Variants in DLG2 observed in about 807,000 individuals in gnomAD.
DLG2 encodes disks large homolog 2.
Under a neutral mutation model 132.5 loss-of-function variants are expected in DLG2, and 45 were observed. That is an observed-to-expected ratio of 0.34 (90% CI 0.27 to 0.44). DLG2 has a LOEUF of 0.44. Among genes scored for constraint, DLG2 ranks in the 20% least tolerant of loss-of-function variants. The pLI, the probability that DLG2 is intolerant of heterozygous loss-of-function variation, is 1.00. For missense variants in DLG2, 1,045 were observed against 1,196.9 expected (o/e 0.87, Z 1.87); for synonymous variants, 424 against 419.6 (o/e 1.01, Z -0.13).
chr11:84,964,124 T>C (rs2052993331), intron 6 of DLG2, among the ~76,000 whole-genome samples: 1 of 152,100 alleles, frequency 6.6e-6, no homozygotes, highest in Admixed American at 6.6e-5. Flanking sequence ...CATTATTAAT[T>C]TACGATTCAA....
intron 3 of DLG2, among the ~76,000 whole-genome samples, chr11:85,384,732 T>A (rs1035147587): frequency 2.6e-5 from 4 of 152,072 alleles, no homozygotes; most frequent in African/African-American, 4.8e-5. Context: ...CATGCTGGGC[T>A]AAGTTTTGTA....
chr11:84,617,173 C>T (rs2099605912), intron 6 of DLG2, among the ~76,000 whole-genome samples: 1 of 151,648 alleles, frequency 6.6e-6, no homozygotes, highest in Non-Finnish European at 1.5e-5. Context: ...TGTGATGTTC[C>T]CCTCCCTGTG....
chr11:85,157,919 T>C (rs58515356), intron 4 of DLG2, among the ~76,000 whole-genome samples: 14,266 of 151,930 alleles, frequency 0.094, 901 homozygotes, highest in African/African-American at 0.18. Flanking sequence ...CCCGACCCAT[T>C]AGCCTTTCCA....
chr11:85,441,751 G>C (rs2091788502), intron 3 of DLG2, among the ~76,000 whole-genome samples: 1 of 152,066 alleles, frequency 6.6e-6, no homozygotes, highest in African/African-American at 2.4e-5. Context: ...AATGTATAAA[G>C]GCACTGTTCT....
At chr11:85,558,591 C>T (rs903635896) in intron 3 of DLG2, among the ~76,000 whole-genome samples, 22 of 151,874 alleles carry the variant, frequency 1.4e-4, no homozygotes, top group Middle Eastern at 3.4e-3. Flanking sequence ...ATATATACAC[C>T]GTGGAATACT....
At chr11:84,214,858 A>G (rs12786897) in intron 8 of DLG2, among the ~76,000 whole-genome samples, 1,813 of 152,330 alleles carry the variant, frequency 0.012, 17 homozygotes, top group Middle Eastern at 0.02. Flanking sequence ...AAGAGCAATC[A>G]TATATCAGAA....
intron 18 of DLG2, among the ~76,000 whole-genome samples, chr11:83,764,461 T>G (rs1212697364): frequency 6.6e-6 from 1 of 151,978 alleles, no homozygotes; most frequent in East Asian, 1.9e-4. Flanking sequence ...CCCAAAGGGG[T>G]GTGCAGGGAA....
Position 85,420,800 on chromosome 11 carries a change from C to A in DLG2, c.41-135435G>T, listed in dbSNP as rs2152994518. ...TGCCCCTCCCCCCACCAAGCTCGAG[C>A]ATCCCAGGTTGACTTCAGACTGCTC... On this transcript the variant is annotated intron_variant, in intron 3 of 27. Transcript: ENST00000376104. 1.3e-5 allele frequency among the ~76,000 whole-genome samples: 2 copies of A among 152,316 alleles called. 1 individual carries two copies. Among genetic ancestry groups the A allele is most frequent in the Non-Finnish European group, 2.9e-5 (2 of 68,024 alleles).
intron 21 of DLG2, among the ~76,000 whole-genome samples, chr11:83,511,883 A>G (rs543850775): frequency 9.2e-5 from 14 of 152,154 alleles, no homozygotes; most frequent in Admixed American, 9.2e-4. Flanking sequence ...ACCATTTCTT[A>G]TGCTGGCTGT....
chr11:84,481,073 C>A (rs907203236), intron 7 of DLG2, among the ~76,000 whole-genome samples: 4 of 151,934 alleles, frequency 2.6e-5, no homozygotes, highest in Non-Finnish European at 5.9e-5. Context: ...ATAATAATAA[C>A]TCCCTCTAGA....
chr11:83,558,853 G>A (rs1157136765), intron 19 of DLG2, among the ~76,000 whole-genome samples: 2 of 96,092 alleles, frequency 2.1e-5, no homozygotes, highest in East Asian at 2.7e-4. Context: ...GATGTCGTGT[G>A]TGTGTGTGTG....
In DLG2 at chr11:84,979,613, A is replaced by T. The variant is rs1021148647; in HGVS notation, c.357+132048T>A. 4.0e-5 allele frequency among the ~76,000 whole-genome samples: 6 copies of T among 151,142 alleles called. 1 individual carries two copies. Among genetic ancestry groups the T allele is most frequent in the Middle Eastern group, 6.8e-3 (2 of 292 alleles). On this transcript the variant is annotated intron_variant, in intron 6 of 27. Coordinates refer to ENST00000376104, the MANE Select transcript of DLG2 (RefSeq NM_001142699.3). ...TAGGTGGGAACTGAACAATGAGAACACTTGGACACAGGAAGGGGAACGTCA... is the reference window on the plus strand; with the variant it reads ...TAGGTGGGAACTGAACAATGAGAACTCTTGGACACAGGAAGGGGAACGTCA...
At chr11:83,724,331 G>C (rs1445440502) in intron 18 of DLG2, among the ~76,000 whole-genome samples, 2 of 152,140 alleles carry the variant, frequency 1.3e-5, no homozygotes, top group African/African-American at 4.8e-5. Context: ...CACGCTCTCT[G>C]GTTTCTGTTT....
chr11:84,811,667 C>G (rs2076573018), intron 6 of DLG2, among the ~76,000 whole-genome samples: 1 of 152,052 alleles, frequency 6.6e-6, no homozygotes, highest in Non-Finnish European at 1.5e-5. Flanking sequence ...TTATATGTAG[C>G]TATATGACTG....
rs1268428583 is a variant in DLG2 at position 85,004,106 on chromosome 11, T to A, written c.357+107555A>T. Among the ~76,000 whole-genome samples the A allele has an allele frequency of 7.2e-5, 11 of 152,318 alleles. No individual in the cohort carries two copies. The East Asian group carries it at 1.9e-3, about 27-fold the overall frequency. ...TGGTCTATATGTGCCACATTTTCTT[T>A]ATCCAGTCTATCATTGATGGGCATT... On this transcript the variant is annotated intron_variant, in intron 6 of 27. Coordinates refer to ENST00000376104, the MANE Select transcript of DLG2 (RefSeq NM_001142699.3).
In DLG2 at chr11:85,063,437, T is replaced by C. The variant is rs1397472726; in HGVS notation, c.357+48224A>G. Reference sequence around the variant, plus strand: ...TTCCCAATATCAAGTAATGGAGCAGTAAATCTTCTACACAGAACTGACATT... The same window carrying C: ...TTCCCAATATCAAGTAATGGAGCAGCAAATCTTCTACACAGAACTGACATT... On this transcript the variant is annotated intron_variant, in intron 6 of 27. Transcript: ENST00000376104. Among the ~76,000 whole-genome samples, 4 of 151,828 alleles carry C rather than the reference T, an allele frequency of 2.6e-5. 1 individual carries two copies. In the South Asian group the frequency reaches 6.2e-4, roughly 24 times the overall value.
chr11:85,119,167 T>G (rs955491566), intron 5 of DLG2, among the ~76,000 whole-genome samples: 2 of 152,022 alleles, frequency 1.3e-5, no homozygotes, highest in African/African-American at 4.8e-5. Flanking sequence ...TTGTAACTTT[T>G]TTGTCAGTAT....
chr11:84,147,338 G>A (rs1044280564), intron 9 of DLG2, among the ~76,000 whole-genome samples: 1 of 152,150 alleles, frequency 6.6e-6, no homozygotes, highest in African/African-American at 2.4e-5. Context: ...GTTGGAAAGA[G>A]GAGAAGGGCA....
At chr11:85,265,504 G>A (rs1434204438) in intron 4 of DLG2, among the ~76,000 whole-genome samples, 1 of 152,102 alleles carries the variant, frequency 6.6e-6, no homozygotes, top group Non-Finnish European at 1.5e-5. Context: ...TGGCCCCCAC[G>A]ACATACTGAT....
Sources: gnomAD v4.1 joint callset for allele counts (sites outside exome capture counted in the v4.1 genomes callset) on GRCh38, gnomAD v4.1.1 for gene constraint, MANE v1.5 for transcripts, NCBI Gene and HGNC (gene_info 2026-07-23, HGNC 2026-07-21) for gene names.